The following DLGAP3 variants were observed in gnomAD, a reference collection of about 807,000 sequenced individuals.
The protein encoded by DLGAP3 is disks large-associated protein 3.
A neutral mutation model predicts 81.2 loss-of-function variants in DLGAP3; 17 were observed. The ratio of observed to expected loss-of-function variants is 0.21; its 90% confidence interval spans 0.14 to 0.31. The LOEUF (loss-of-function observed/expected upper bound fraction) is 0.31, where lower values mean the gene tolerates loss of function less well. Among genes scored for constraint, DLGAP3 ranks in the 10% least tolerant of loss-of-function variants. The pLI, the probability that DLGAP3 is intolerant of heterozygous loss-of-function variation, is 1.00. For missense variants in DLGAP3, 1,124 were observed against 1,388.0 expected, an observed-to-expected ratio of 0.81 and a Z score of 3.02; for synonymous variants, 577 against 587.4, an observed-to-expected ratio of 0.98 and a Z score of 0.26.
rs759558059 is a variant in DLGAP3 at position 34,900,230 on chromosome 1, T to G, written c.1151A>C (p.Asp384Ala). The G allele has an allele frequency of 6.2e-7, 1 of 1,614,040 alleles. No individual in the cohort carries two copies. Among genetic ancestry groups the G allele is most frequent in the Non-Finnish European group, 8.5e-7 (1 of 1,180,022 alleles). ...DWGGYPTGGK[D>A]GEIPCRRMRS... ...CATCCTGCGGCAGGGGATCTCCCCATCCTTGCCACCGGTGGGGTAACCCCC... is the reference window on the plus strand; with the variant it reads ...CATCCTGCGGCAGGGGATCTCCCCAGCCTTGCCACCGGTGGGGTAACCCCC... The change falls in exon 4 of 12, where the codon GAT (aspartate) becomes GCT (alanine). Residue 384 changes from aspartate to alanine, a missense_variant. By Grantham distance (126) the Asp-to-Ala change is moderately radical. Coordinates refer to ENST00000373347, the MANE Select transcript of DLGAP3 (RefSeq NM_001080418.3). This position sits in a 1 kb window ranked among gnomAD's most constrained non-coding sequence, Gnocchi z 5.6.
chr1:34,900,367 C>A lies in DLGAP3; in HGVS notation c.1108-94G>T. ...CACTGCCAGTGGGAGATGCCCTGCC[C>A]TGGCTTGAACAGGCACACTCAGGTA... On this transcript the variant is annotated intron_variant, in intron 3 of 11. Transcript: ENST00000373347. This position sits in a 1 kb window ranked among gnomAD's most constrained non-coding sequence, Gnocchi z 5.6. 1 of 1,338,792 alleles carries A rather than the reference C, an allele frequency of 7.5e-7. No homozygotes were observed. The highest frequency in any genetic ancestry group is 1.1e-6 in the Non-Finnish European group (1 of 941,304). 82.9% of individuals were successfully genotyped at this position (1,338,792 alleles called of 1,614,324 possible). A position where few individuals can be genotyped will look rare whatever the true frequency, so the allele number is the denominator to read the frequency against.
intron 8 of DLGAP3, among the ~76,000 whole-genome samples, chr1:34,872,793 A>G (rs1638999816): frequency 6.6e-6 from 1 of 152,210 alleles, no homozygotes; most frequent in African/African-American, 2.4e-5. Flanking sequence ...AAGTGAAGGA[A>G]TGCAGATAGC....
At position 34,899,685 on chromosome 1, in the gene DLGAP3, G is replaced by C; in HGVS notation, c.1370C>G (p.Ser457Cys). 6.2e-7 allele frequency: 1 copy of C among 1,613,974 alleles called. No homozygotes were observed. Among genetic ancestry groups the C allele is most frequent in the Non-Finnish European group, 8.5e-7 (1 of 1,179,970 alleles). Residue 457 changes from serine to cysteine, a missense_variant, in exon 5 of 12, where the codon TCC becomes TGC. By Grantham distance (112) the Ser-to-Cys change is moderately radical. Transcript: ENST00000373347. ...PRSSIPGYSR[S>C]LTTGQLSDEL... ...TCTCCCTACCTGTCCAGTGGTGAGG[G>C]AACGGCTGTAGCCAGGGATGGAGCT...
chr1:34,911,325 C>G (rs554860015), intron 1 of DLGAP3, among the ~76,000 whole-genome samples: 2 of 152,148 alleles, frequency 1.3e-5, no homozygotes, highest in South Asian at 4.1e-4. Context: ...GTGATTTAGC[C>G]TTTTCCCATG....
intron 1 of DLGAP3, among the ~76,000 whole-genome samples, chr1:34,927,434 C>G (rs1233717791): frequency 6.6e-6 from 1 of 151,986 alleles, no homozygotes; most frequent in Middle Eastern, 3.2e-3. Context: ...TACTAAGGTT[C>G]CTCTCCTGGC....
In DLGAP3 at chr1:34,865,997, G is replaced by C; in HGVS notation, c.*86C>G. ...GCCGGTGGGGCGGGCGCACGGGGCG[G>C]CCCGCGTTCACAGTGACCTCGACGC... On this transcript the variant is annotated 3_prime_UTR_variant, in exon 12 of 12. Transcript: ENST00000373347. The C allele has an allele frequency of 8.2e-7, 1 of 1,217,850 alleles. No individual in the cohort carries two copies. Among genetic ancestry groups the C allele is most frequent in the East Asian group, 2.6e-5 (1 of 38,160 alleles). The allele number at this position is 1,217,850 out of a possible 1,614,324, so 75.4% of individuals were successfully genotyped here.
At chr1:34,896,616 C>CACACACAA (rs1491373889) in intron 5 of DLGAP3, among the ~76,000 whole-genome samples, 8 of 149,532 alleles carry the variant, frequency 5.4e-5, no homozygotes, top group African/African-American at 1.9e-4. Flanking sequence ...CACACACACA[C>CACACACAA]AAAATCAAAC....
rs924567010 is a variant in DLGAP3, at chr1:34,867,466, G to A, written c.2577+70C>T. The stretch of plus-strand genomic sequence containing the variant: ...CACACTCACTCTGGGTCACCTGCCT[G>A]TCTCACCTCCAGCACACACACACTC... On this transcript the variant is annotated intron_variant, in intron 10 of 11. Coordinates refer to ENST00000373347, the MANE Select transcript of DLGAP3 (RefSeq NM_001080418.3). The surrounding 1 kb of genome is among the most constrained non-coding windows in gnomAD (Gnocchi z 4.3). 19 of 1,391,458 alleles carry A rather than the reference G, an allele frequency of 1.4e-5. No individual in the cohort carries two copies. Among genetic ancestry groups the A allele is most frequent in the Non-Finnish European group, 1.8e-5 (18 of 977,026 alleles). 86.2% of individuals were successfully genotyped at this position (1,391,458 alleles called of 1,614,324 possible).
chr1:34,919,695 G>A (rs1031194483), intron 1 of DLGAP3, among the ~76,000 whole-genome samples: 3 of 152,160 alleles, frequency 2.0e-5, no homozygotes, highest in Non-Finnish European at 2.9e-5. Flanking sequence ...CAGGGGAATC[G>A]CTTGAAAGCA....
intron 5 of DLGAP3, among the ~76,000 whole-genome samples, chr1:34,889,282 C>T (rs1027526367): frequency 6.6e-6 from 1 of 152,242 alleles, no homozygotes; most frequent in African/African-American, 2.4e-5. Flanking sequence ...CACCCGCCAG[C>T]TCAGCTGGCC....
intron 1 of DLGAP3, among the ~76,000 whole-genome samples, chr1:34,909,980 T>C (rs1323425128): frequency 1.3e-5 from 2 of 152,192 alleles, no homozygotes; most frequent in East Asian, 1.9e-4. Context: ...GATATACACA[T>C]GGAAGCATGA....
In DLGAP3 at chr1:34,885,130, G is replaced by A. The variant is rs1355035082; in HGVS notation, c.1915-67C>T. The A allele has an allele frequency of 5.7e-6, 8 of 1,412,742 alleles. No homozygotes were observed. In the African/African-American group the frequency reaches 8.4e-5, roughly 15 times the overall value. The allele number at this position is 1,412,742 out of a possible 1,614,324, so 87.5% of individuals were successfully genotyped here. On this transcript the variant is annotated intron_variant, in intron 7 of 11. Transcript: ENST00000373347. ...GGTGAAAGCCCTTCCCGGGGAGAAC[G>A]GCTAGCAATGGCTGCGCCCCAAGCC...
At chr1:34,887,850 T>C (rs1357876367) in intron 5 of DLGAP3, among the ~76,000 whole-genome samples, 1 of 152,200 alleles carries the variant, frequency 6.6e-6, no homozygotes, top group African/African-American at 2.4e-5. Flanking sequence ...CATAGGGCTA[T>C]TGAGGGGACT....
chr1:34,875,208 T>C (rs967800644), intron 8 of DLGAP3, among the ~76,000 whole-genome samples: 1 of 152,164 alleles, frequency 6.6e-6, no homozygotes, highest in African/African-American at 2.4e-5. Context: ...TTTCAGCACA[T>C]ACCCTTCCCA....
At chr1:34,917,785 T>C (rs1174584319) in intron 1 of DLGAP3, among the ~76,000 whole-genome samples, 2 of 152,210 alleles carry the variant, frequency 1.3e-5, no homozygotes, top group Non-Finnish European at 2.9e-5. Flanking sequence ...CTCAAGGTCA[T>C]TCATTAAATC....
chr1:34,879,059 G>C (rs190023270), intron 8 of DLGAP3, among the ~76,000 whole-genome samples: 123 of 146,218 alleles, frequency 8.4e-4, no homozygotes, highest in Middle Eastern at 3.7e-3. Context: ...GCGAGAGCGA[G>C]ACTCTGCCTC....
At chr1:34,925,184 C>CA (rs1491479500) in intron 1 of DLGAP3, among the ~76,000 whole-genome samples, 1 of 79,950 alleles carries the variant, frequency 1.3e-5, no homozygotes, top group Non-Finnish European at 2.1e-5. Context: ...CACCTGACAA[C>CA]CCCCCCCCCA....
chr1:34,909,979 A>G (rs996100414), intron 1 of DLGAP3, among the ~76,000 whole-genome samples: 5 of 152,144 alleles, frequency 3.3e-5, no homozygotes, highest in South Asian at 4.1e-4. Flanking sequence ...TGATATACAC[A>G]TGGAAGCATG....
Position 34,868,982 on chromosome 1 carries a change from A to T in DLGAP3, c.2108T>A (p.Leu703Gln). ...LATVATEDKA[L>Q]QFGRSFQRHA... ...CCTCTGGAAGGAGCGTCCAAACTGCAGGGCCTTGTCTTCTGTGGCCACCGT... is the reference window on the plus strand; with the variant it reads ...CCTCTGGAAGGAGCGTCCAAACTGCTGGGCCTTGTCTTCTGTGGCCACCGT... The change falls in exon 9 of 12, where the codon CTG becomes CAG. Residue 703 changes from leucine to glutamine, a missense_variant. By Grantham distance (113) the Leu-to-Gln change is moderately radical (BLOSUM62 -2). Transcript: ENST00000373347. This position sits in a 1 kb window ranked among gnomAD's most constrained non-coding sequence, Gnocchi z 7.5. 1.2e-6 allele frequency: 2 copies of T among 1,608,902 alleles called. No homozygotes were observed. Among genetic ancestry groups the T allele is most frequent in the South Asian group, 2.2e-5 (2 of 90,966 alleles).
Sources: allele counts gnomAD v4.1 joint callset (sites outside exome capture counted in the v4.1 genomes callset), GRCh38; gene constraint gnomAD v4.1.1; non-coding constraint Gnocchi (gnomAD v3.1); transcripts MANE v1.5; gene names NCBI Gene and HGNC (gene_info 2026-07-23, HGNC 2026-07-21).